CDH23: variants seen among roughly 807,000 people sequenced by gnomAD.
CDH23 encodes the protein cadherin-23.
CDH23 carries 189 observed loss-of-function variants against 317.1 expected under a neutral mutation model. The ratio of observed to expected loss-of-function variants is 0.60; its 90% CI spans 0.53 to 0.67. CDH23 has a LOEUF of 0.67. Ranked by LOEUF, CDH23 falls within the 30% of genes least tolerant of loss-of-function variation. CDH23 has a pLI of 0.00. For synonymous variants in CDH23, 1,839 were observed against 1,876.8 expected (o/e 0.98, Z 0.52); for missense variants, 4,401 against 4,592.4 (o/e 0.96, Z 1.20).
intron 1 of CDH23, among the ~76,000 whole-genome samples, chr10:71,432,513 T>C (rs1041916256): frequency 2.7e-5 from 4 of 150,638 alleles, no homozygotes; most frequent in Non-Finnish European, 4.4e-5. Context: ...TGTGGGTGAG[T>C]GTGAGTGTGT....
intron 44 of CDH23, among the ~76,000 whole-genome samples, chr10:71,786,036 AAC>A (rs1245615595): frequency 2.0e-5 from 3 of 152,204 alleles, no homozygotes; most frequent in Middle Eastern, 3.2e-3. Flanking sequence ...GAGTGTGACA[AAC>A]ACTCAGTGAA....
At chr10:71,456,640 T>A (rs1850711479) in intron 3 of CDH23, among the ~76,000 whole-genome samples, 1 of 152,214 alleles carries the variant, frequency 6.6e-6, no homozygotes, top group South Asian at 2.1e-4. Flanking sequence ...ACTGAACACC[T>A]GTGCCAGCCT....
At chr10:71,517,558 T>TA (rs1554833446) in intron 6 of CDH23, among the ~76,000 whole-genome samples, 1 of 151,938 alleles carries the variant, frequency 6.6e-6, no homozygotes, top group African/African-American at 2.4e-5. Flanking sequence ...AGCGAGAAGC[T>TA]GGGGGGGAGA....
chr10:71,485,031 T>C (rs1315286907), intron 3 of CDH23, among the ~76,000 whole-genome samples: 9 of 149,138 alleles, frequency 6.0e-5, no homozygotes, highest in East Asian at 5.9e-4. Flanking sequence ...TTCTTTTTTT[T>C]TTTTTTTTTT....
At position 71,773,488 on chromosome 10, in the gene CDH23, G is replaced by T. The variant is rs767614579; in HGVS notation, c.4846-4192G>T. 1.2e-5 allele frequency: 18 copies of T among 1,535,392 alleles called. No homozygotes were observed. The South Asian group carries it at 2.1e-4, about 18-fold the overall frequency. On this transcript the variant is annotated intron_variant, in intron 38 of 69. Transcript: ENST00000224721. ...ACTTCTGGTGCCGGGGAGCGGGCGG[G>T]ACGCGGCCGGCGCGGGGAAGCCTCC...
intron 6 of CDH23, among the ~76,000 whole-genome samples, chr10:71,546,606 A>G (rs1856297442): frequency 6.6e-6 from 1 of 152,240 alleles, no homozygotes; most frequent in Admixed American, 6.5e-5. Flanking sequence ...CACTGCACCT[A>G]GAACACAGAA....
chr10:71,778,288 C>T lies in CDH23; in HGVS notation c.5167C>T (p.Arg1723Cys), dbSNP rs978942792. 6.2e-6 allele frequency: 10 copies of T among 1,613,828 alleles called. No individual in the cohort carries two copies. The African/African-American group carries it at 6.7e-5, about 11-fold the overall frequency. ...AGACCAGTGCCCCATCTTATCCCAC[C>T]GCCTCACCTCTACCACCACGGTGGG... Reference protein sequence around the residue: ...ATDQCPILSHRLTSTTTVLVN... With the variant: ...ATDQCPILSHCLTSTTTVLVN... Residue 1723 changes from arginine to cysteine, a missense_variant, in exon 40 of 70, where the codon CGC becomes TGC. By Grantham distance (180) the Arg-to-Cys change is radical. This residue lies in a region of CDH23 where 3,068 missense variants were observed against 3,203.3 expected (regional missense o/e 0.96). Transcript: ENST00000224721.
intron 3 of CDH23, among the ~76,000 whole-genome samples, chr10:71,474,756 C>T (rs1055781109): frequency 2.6e-5 from 4 of 152,234 alleles, no homozygotes; most frequent in South Asian, 2.1e-4. Context: ...CTTGTCCTTG[C>T]GCTCCTCTGT....
At chr10:71,604,944 A>C (rs1860442690) in intron 9 of CDH23, among the ~76,000 whole-genome samples, 1 of 152,216 alleles carries the variant, frequency 6.6e-6, no homozygotes, top group Non-Finnish European at 1.5e-5. Flanking sequence ...GCCCTCAGGG[A>C]GATTAAATCT....
chr10:71,690,960 A>C (rs749840076), intron 20 of CDH23, among the ~76,000 whole-genome samples: 18 of 152,078 alleles, frequency 1.2e-4, no homozygotes, highest in Non-Finnish European at 1.9e-4. Context: ...TCTTACACGG[A>C]TGTGTGCCTC....
chr10:71,420,880 C>T (rs74520250), intron 1 of CDH23, among the ~76,000 whole-genome samples: 4,149 of 152,120 alleles, frequency 0.027, 79 homozygotes, highest in African/African-American at 0.048. Context: ...CCGGAAGGTA[C>T]CCCCCGTCGC....
At chr10:71,690,038 T>G (rs1275528567) in intron 19 of CDH23, among the ~76,000 whole-genome samples, 1 of 152,176 alleles carries the variant, frequency 6.6e-6, no homozygotes, top group Non-Finnish European at 1.5e-5. Context: ...AAAACCCTTA[T>G]AAATTCCCCT....
At chr10:71,680,820 T>TA (rs1188185666) in intron 17 of CDH23, among the ~76,000 whole-genome samples, 1 of 114,790 alleles carries the variant, frequency 8.7e-6, no homozygotes, top group Non-Finnish European at 2.0e-5. Flanking sequence ...CTTTTTTTTT[T>TA]TTCTTTTTCT....
chr10:71,412,580 T>G (rs1170678005), intron 1 of CDH23, among the ~76,000 whole-genome samples: 1 of 152,186 alleles, frequency 6.6e-6, no homozygotes, highest in South Asian at 2.1e-4. Flanking sequence ...TACACAGTTG[T>G]GCACTACAGT....
chr10:71,420,118 G>C (rs1392123300), intron 1 of CDH23, among the ~76,000 whole-genome samples: 1 of 152,164 alleles, frequency 6.6e-6, no homozygotes, highest in Non-Finnish European at 1.5e-5. Flanking sequence ...AAATAGGGAG[G>C]GAAAGTTACT....
At chr10:71,656,215 G>A (rs921024178) in intron 14 of CDH23, among the ~76,000 whole-genome samples, 1 of 152,174 alleles carries the variant, frequency 6.6e-6, no homozygotes, top group Non-Finnish European at 1.5e-5. Context: ...CCTAATCAGG[G>A]CATACGAGTC....
At position 71,807,785 on chromosome 10, in the gene CDH23, T is replaced by C. The variant is rs1458615204; in HGVS notation, c.8560+18T>C. On this transcript the variant is annotated intron_variant, in intron 59 of 69. Coordinates refer to ENST00000224721, the MANE Select transcript of CDH23 (RefSeq NM_022124.6). ...CACTGCAGGTGCAGGGACTGGAGCC[T>C]GGGCACGAGGTGTGGGGTGGCCCCT... 1 of 1,587,544 alleles carries C rather than the reference T, an allele frequency of 6.3e-7. No individual in the cohort carries two copies. The highest frequency in any genetic ancestry group is 8.6e-7 in the Non-Finnish European group (1 of 1,166,812).
intron 3 of CDH23, among the ~76,000 whole-genome samples, chr10:71,449,038 C>T (rs1210460610): frequency 2.0e-5 from 3 of 152,218 alleles, no homozygotes; most frequent in African/African-American, 7.2e-5. Flanking sequence ...AAATGGGTGA[C>T]TGGATCCCTC....
chr10:71,595,289 CT>C (rs2132458024), intron 9 of CDH23, among the ~76,000 whole-genome samples: 1 of 152,288 alleles, frequency 6.6e-6, no homozygotes, highest in Non-Finnish European at 1.5e-5. Flanking sequence ...TCTAATTAGT[CT>C]GCCCGTTCCC....
Sources: allele counts gnomAD v4.1 joint callset (sites outside exome capture counted in the v4.1 genomes callset), GRCh38; gene constraint gnomAD v4.1.1; regional missense constraint gnomAD v4.1.1; transcripts MANE v1.5; gene names NCBI Gene and HGNC (gene_info 2026-07-23, HGNC 2026-07-21).